PTPRT: variants seen among roughly 807,000 people sequenced by gnomAD.
The protein encoded by PTPRT is receptor-type tyrosine-protein phosphatase T.
PTPRT carries 56 observed loss-of-function variants against 176.8 expected under a neutral mutation model. The observed-to-expected ratio is 0.32, with a 90% CI of 0.26 to 0.40. The LOEUF is 0.40. Among genes scored for constraint, PTPRT ranks in the 10% least tolerant of loss-of-function variants. The pLI is 1.00. For synonymous variants in PTPRT, 783 were observed against 739.0 expected, an observed-to-expected ratio of 1.06 and a Z score of -0.96; for missense variants, 1,540 against 1,908.2, an observed-to-expected ratio of 0.81 and a Z score of 3.60.
chr20:42,700,782 G>C (rs2075963183), intron 6 of PTPRT, among the ~76,000 whole-genome samples: 1 of 152,110 alleles, frequency 6.6e-6, no homozygotes, highest in African/African-American at 2.4e-5. Context: ...GCTGGACAAG[G>C]AGGTCTCTGA....
At chr20:42,325,037 G>A (rs1257966661) in intron 11 of PTPRT, among the ~76,000 whole-genome samples, 1 of 152,158 alleles carries the variant, frequency 6.6e-6, no homozygotes, top group Non-Finnish European at 1.5e-5. Context: ...AAACATAGCA[G>A]GTTCAAATTT....
Position 42,110,001 on chromosome 20 carries a change from A to G in PTPRT, c.3254+332T>C, listed in dbSNP as rs1302255232. Among the ~76,000 whole-genome samples, 5 of 152,050 alleles carry G rather than the reference A, an allele frequency of 3.3e-5. No individual in the cohort carries two copies. In the East Asian group the frequency reaches 9.6e-4, roughly 29 times the overall value. ...CTAGAAAAGATAACATGTCCCTCCC[A>G]AGAAAGCCGAGCTGCAGAGGCACAC... On this transcript the variant is annotated intron_variant, in intron 23 of 30. Coordinates refer to ENST00000373187, the MANE Select transcript of PTPRT (RefSeq NM_007050.6).
intron 7 of PTPRT, among the ~76,000 whole-genome samples, chr20:42,635,943 T>A (rs1245133340): frequency 6.6e-6 from 1 of 152,192 alleles, no homozygotes; most frequent in East Asian, 1.9e-4. Context: ...ATATAACTCA[T>A]AAGAACTAAT....
chr20:42,432,082 C>T (rs548073328), intron 9 of PTPRT, among the ~76,000 whole-genome samples: 8 of 152,282 alleles, frequency 5.3e-5, no homozygotes, highest in African/African-American at 1.9e-4. Context: ...GAGAGTAGAA[C>T]TAACTCTATC....
intron 2 of PTPRT, among the ~76,000 whole-genome samples, chr20:42,799,943 G>C (rs1235057035): frequency 6.6e-6 from 1 of 152,200 alleles, no homozygotes; most frequent in East Asian, 1.9e-4. Flanking sequence ...TCTCTCTGAA[G>C]AAGGGGTGGG....
chr20:42,437,926 G>A (rs149093507), intron 9 of PTPRT, among the ~76,000 whole-genome samples: 40 of 152,288 alleles, frequency 2.6e-4, no homozygotes, highest in African/African-American at 8.4e-4. Flanking sequence ...CAGCCTAGGC[G>A]GAATTCCAAC....
At chr20:42,857,999 G>C (rs1039885035) in intron 2 of PTPRT, among the ~76,000 whole-genome samples, 1 of 152,122 alleles carries the variant, frequency 6.6e-6, no homozygotes, top group African/African-American at 2.4e-5. Flanking sequence ...CAAGGAGCTG[G>C]AGTATCTTGT....
At chr20:42,221,649 A>C (rs2055888942) in intron 15 of PTPRT, among the ~76,000 whole-genome samples, 1 of 151,982 alleles carries the variant, frequency 6.6e-6, no homozygotes, top group African/African-American at 2.4e-5. Flanking sequence ...CCTCCCAAGT[A>C]GCTGGAACCA....
At chr20:43,152,681 G>A (rs138536122) in intron 1 of PTPRT, among the ~76,000 whole-genome samples, 365 of 152,274 alleles carry the variant, frequency 2.4e-3, no homozygotes, top group Non-Finnish European at 4.0e-3. Context: ...TGATACTCAG[G>A]TGAATGATAT....
intron 1 of PTPRT, among the ~76,000 whole-genome samples, chr20:43,102,992 G>T (rs1033634623): frequency 3.3e-5 from 5 of 152,176 alleles, no homozygotes; most frequent in Admixed American, 1.3e-4. Flanking sequence ...GGAAGACCTG[G>T]AGGGAAAGAG....
chr20:42,089,082 T>C (rs1600479635), intron 27 of PTPRT, among the ~76,000 whole-genome samples: 2 of 152,108 alleles, frequency 1.3e-5, no homozygotes, highest in South Asian at 2.1e-4. Flanking sequence ...TAACCAAGCA[T>C]AGTGAGAAAG....
At chr20:42,285,862 T>C (rs1275327009) in intron 12 of PTPRT, among the ~76,000 whole-genome samples, 1 of 151,812 alleles carries the variant, frequency 6.6e-6, no homozygotes, top group Non-Finnish European at 1.5e-5. Flanking sequence ...AAAATCAACA[T>C]ACAAAAATCA....
intron 1 of PTPRT, among the ~76,000 whole-genome samples, chr20:43,165,011 G>C (rs1401645631): frequency 6.6e-6 from 1 of 152,114 alleles, no homozygotes; most frequent in Non-Finnish European, 1.5e-5. Flanking sequence ...TTGAATTGTA[G>C]CTCTCATAAT....
chr20:43,019,479 T>C (rs1032195430), intron 1 of PTPRT, among the ~76,000 whole-genome samples: 1 of 151,382 alleles, frequency 6.6e-6, no homozygotes, highest in Non-Finnish European at 1.5e-5. Context: ...ATTAGCTGGG[T>C]GTGGTGGTGC....
At chr20:42,591,578 G>C (rs1165724985) in intron 7 of PTPRT, among the ~76,000 whole-genome samples, 2 of 152,150 alleles carry the variant, frequency 1.3e-5, no homozygotes, top group Admixed American at 6.6e-5. Context: ...GCAGGTGATT[G>C]CTTCCCTACT....
At chr20:42,798,261 C>T (rs974317533) in intron 2 of PTPRT, among the ~76,000 whole-genome samples, 1 of 152,162 alleles carries the variant, frequency 6.6e-6, no homozygotes, top group East Asian at 1.9e-4. Context: ...TGCATACTTC[C>T]ATTATAGGTA....
At chr20:42,444,849 A>G (rs553070651) in intron 9 of PTPRT, among the ~76,000 whole-genome samples, 126 of 152,200 alleles carry the variant, frequency 8.3e-4, no homozygotes, top group Non-Finnish European at 1.5e-3. Flanking sequence ...TCATAAACAC[A>G]TGCTTTGTTA....
rs148466107 is a variant in PTPRT, at chr20:42,520,448, C to T, written c.1154-47886G>A. 2.4e-3 allele frequency among the ~76,000 whole-genome samples: 371 copies of T among 152,068 alleles called. 2 individuals are homozygous for T. Among genetic ancestry groups the T allele is most frequent in the Middle Eastern group, 0.01 (3 of 294 alleles). The stretch of plus-strand genomic sequence containing the variant: ...TTCTTTTATTTATAGTTTTGTCTTC[C>T]AAATACACATCCCCAGGCACCACGG... On this transcript the variant is annotated intron_variant, in intron 7 of 30. Transcript: ENST00000373187.
chr20:42,047,741 T>C, the PTPRT span, among the ~76,000 whole-genome samples: 3 of 152,288 alleles, frequency 2.0e-5, no homozygotes, highest in African/African-American at 7.2e-5. Flanking sequence ...TCTGGGAGAT[T>C]TGTCAGTCAC....
Sources: allele counts gnomAD v4.1 joint callset (sites outside exome capture counted in the v4.1 genomes callset), GRCh38; gene constraint gnomAD v4.1.1; transcripts MANE v1.5; gene names NCBI Gene and HGNC (gene_info 2026-07-23, HGNC 2026-07-21).